ZIC5: variants seen among roughly 807,000 people sequenced by gnomAD.
ZIC5 encodes Zic family zinc finger 5.
In ZIC5, 20 loss-of-function variants were observed where a neutral mutation model predicts 28.5. The observed-to-expected ratio is 0.70, with a 90% confidence interval of 0.49 to 1.02. ZIC5 has a LOEUF of 1.02. ZIC5 is among the 50% of genes least tolerant of loss of function. The pLI is 0.00. For missense variants in ZIC5, 951 were observed against 899.7 expected (o/e 1.06, Z -0.73); for synonymous variants, 488 against 410.4 (o/e 1.19, Z -2.29).
Position 99,971,767 on chromosome 13 carries a change from T to A in ZIC5, c.-164A>T. On this transcript the variant is annotated 5_prime_UTR_variant, in exon 1 of 2. Transcript: ENST00000267294. ...CTCTATCCTCCAGCGATTGGCAGAG[T>A]GAACACCACATTTGAGCTGCACAGT... 1 of 1,491,858 alleles carries A rather than the reference T, an allele frequency of 6.7e-7. No homozygotes were observed. Among genetic ancestry groups the A allele is most frequent in the Admixed American group, 2.0e-5 (1 of 49,524 alleles). The allele number at this position is 1,491,858 out of a possible 1,614,324, so 92.4% of individuals were successfully genotyped here.
At position 99,968,432 on chromosome 13, in the gene ZIC5, G is replaced by A. The variant is rs754410042; in HGVS notation, c.1477+1695C>T. Among the ~76,000 whole-genome samples, 230 of 152,140 alleles carry A rather than the reference G, an allele frequency of 1.5e-3. 1 individual carries two copies. The highest frequency in any genetic ancestry group is 2.5e-3 in the South Asian group (12 of 4,826). ...GTCCCCTCGCCGCCTGGGGTCCCCCGCGCCCCCCCCGACCCCACGCACGCG... is the reference window on the plus strand; with the variant it reads ...GTCCCCTCGCCGCCTGGGGTCCCCCACGCCCCCCCCGACCCCACGCACGCG... On this transcript the variant is annotated intron_variant, in intron 1 of 1. Transcript: ENST00000267294.
rs1276332623 is a variant in ZIC5 at position 99,970,652 on chromosome 13, C to T, written c.952G>A (p.Ala318Thr). 2.6e-6 allele frequency: 3 copies of T among 1,143,672 alleles called. No homozygotes were observed. Among genetic ancestry groups the T allele is most frequent in the African/African-American group, 1.7e-5 (1 of 58,958 alleles). 70.8% of individuals were successfully genotyped at this position (1,143,672 alleles called of 1,614,324 possible). A position where few individuals can be genotyped will look rare whatever the true frequency, so the allele number is the denominator to read the frequency against. ...TGGGGCCCGGGCCCGGCCGCTGCTG[C>T]GGCCGCCGCAGCCGCCAGGTTCAGG... ...LNLNLAAAAAAAAAGPGPHLQ... is the reference protein window; with the variant it reads ...LNLNLAAAAATAAAGPGPHLQ... Residue 318 changes from alanine to threonine, a missense_variant, in exon 1 of 2, where the codon GCA becomes ACA. This residue lies in a region of ZIC5 where 784 missense variants were observed against 660.1 expected (regional missense o/e 1.19). Coordinates refer to ENST00000267294, the MANE Select transcript of ZIC5 (RefSeq NM_033132.5).
In ZIC5 at chr13:99,971,081, G is replaced by A; in HGVS notation, c.523C>T (p.Leu175Phe). The change falls in exon 1 of 2, where the codon CTC (leucine) becomes TTC (phenylalanine). Residue 175 changes from leucine (L) to phenylalanine (F), a missense_variant. Physicochemically the swap from Leu to Phe is conservative, Grantham distance 22 (BLOSUM62 0). Coordinates refer to ENST00000267294, the MANE Select transcript of ZIC5 (RefSeq NM_033132.5). ...SGKGHSRDFV[L>F]RRDLSATAPA... ...GCCGTGGCGGAAAGGTCCCTCCGGA[G>A]GACGAAGTCCCTGCTGTGGCCTTTG... The A allele has an allele frequency of 7.0e-7, 1 of 1,434,842 alleles. No homozygotes were observed. Among genetic ancestry groups the A allele is most frequent in the Non-Finnish European group, 9.1e-7 (1 of 1,104,880 alleles). The allele number at this position is 1,434,842 out of a possible 1,614,324, so 88.9% of individuals were successfully genotyped here.
intron 1 of ZIC5, among the ~76,000 whole-genome samples, chr13:99,966,430 GTT>G (rs2053100536): frequency 6.6e-6 from 1 of 152,074 alleles, no homozygotes; most frequent in South Asian, 2.1e-4. Context: ...ACAAAACAAT[GTT>G]TTTCTTTAGA....
At position 99,964,549 on chromosome 13, in the gene ZIC5, TCA is replaced by T. The variant is rs1361946386; in HGVS notation, c.*826_*827del. 3 of 152,500 alleles carry T rather than the reference TCA, an allele frequency of 2.0e-5. No homozygotes were observed. The allele number at this position is 152,500 out of a possible 1,614,324, so 9.4% of individuals were successfully genotyped here. A position where few individuals can be genotyped will look rare whatever the true frequency, so the allele number is the denominator to read the frequency against. ...TGAATTTCTTCTATTTTATAAAATA[TCA>T]CAGTTTCACAGTTGTCTTTTGCAGC... On this transcript the variant is annotated 3_prime_UTR_variant, in exon 2 of 2. Transcript: ENST00000267294.
At chr13:99,966,305 T>TG (rs1363358174) in intron 1 of ZIC5, among the ~76,000 whole-genome samples, 1 of 151,998 alleles carries the variant, frequency 6.6e-6, no homozygotes, top group Non-Finnish European at 1.5e-5. Flanking sequence ...AAAAGTAAAC[T>TG]GGGGGGTACA....
rs2053148976 is a variant in ZIC5 at position 99,970,788 on chromosome 13, C to T, written c.816G>A (p.Leu272=). The change falls in exon 1 of 2, where the codon CTG becomes CTA. Residue 272 remains leucine, a synonymous_variant. Coordinates refer to ENST00000267294, the MANE Select transcript of ZIC5 (RefSeq NM_033132.5). The part of the protein sequence containing the change: ...AAAAAAAAAE[L]YGRAEPPFAP... Reference sequence around the variant, plus strand: ...CGAAGGGCGGTTCGGCGCGGCCGTACAGCTCAGCCGCCGCGGCTGCCGCTG... The same window carrying T: ...CGAAGGGCGGTTCGGCGCGGCCGTATAGCTCAGCCGCCGCGGCTGCCGCTG... 8.4e-7 allele frequency: 1 copy of T among 1,194,874 alleles called. No homozygotes were observed. The highest frequency in any genetic ancestry group is 1.0e-6 in the Non-Finnish European group (1 of 968,338). The allele number at this position is 1,194,874 out of a possible 1,614,324, so 74.0% of individuals were successfully genotyped here. A position where few individuals can be genotyped will look rare whatever the true frequency, so the allele number is the denominator to read the frequency against.
In ZIC5 at chr13:99,970,413, T is replaced by G. The variant is rs1357567471; in HGVS notation, c.1191A>C (p.Pro397=). 11 of 1,106,566 alleles carry G rather than the reference T, an allele frequency of 9.9e-6. No homozygotes were observed. Among genetic ancestry groups the G allele is most frequent in the East Asian group, 1.1e-4 (2 of 18,056 alleles). The allele number at this position is 1,106,566 out of a possible 1,614,324, so 68.5% of individuals were successfully genotyped here. A position where few individuals can be genotyped will look rare whatever the true frequency, so the allele number is the denominator to read the frequency against. Residue 397 remains proline (P), a synonymous_variant, in exon 1 of 2, where the codon CCA becomes CCC. Coordinates refer to ENST00000267294, the MANE Select transcript of ZIC5 (RefSeq NM_033132.5). The stretch of plus-strand genomic sequence containing the variant: ...GCTTGGCGCCGCCGGCCGGGGGCGG[T>G]GGCGGCGGCGGCGGCGGCGGCGGCG... The part of the protein sequence containing the change: ...PPPPPPPPPP[P]PPPAGGAKPC...
chr13:99,969,009 A>T (rs956474901), intron 1 of ZIC5, among the ~76,000 whole-genome samples: 1 of 152,216 alleles, frequency 6.6e-6, no homozygotes. Context: ...TACTGAACGT[A>T]AACTCCAGTT....
At chr13:99,968,808 G>C (rs2053121910) in intron 1 of ZIC5, among the ~76,000 whole-genome samples, 2 of 152,278 alleles carry the variant, frequency 1.3e-5, no homozygotes, top group South Asian at 4.1e-4. Flanking sequence ...CCCGATTAGA[G>C]AGAAAAGGGG....
At position 99,970,235 on chromosome 13, in the gene ZIC5, G is replaced by A; in HGVS notation, c.1369C>T (p.His457Tyr). 6.2e-7 allele frequency: 1 copy of A among 1,613,830 alleles called. No individual in the cohort carries two copies. The highest frequency in any genetic ancestry group is 8.5e-7 in the Non-Finnish European group (1 of 1,179,872). The stretch of plus-strand genomic sequence containing the variant: ...TTCTCGCCGGTGTGCACGCGGATGT[G>A]GTTGATGAGCTTGTATTTGGCCTTG... ...PFKAKYKLIN[H>Y]IRVHTGEKPF... The change falls in exon 1 of 2, where the codon CAC becomes TAC. Residue 457 changes from histidine to tyrosine, a missense_variant. Transcript: ENST00000267294.
Position 99,971,085 on chromosome 13 carries a change from G to A in ZIC5, c.519C>T (p.Phe173=). The A allele has an allele frequency of 7.0e-7, 1 of 1,434,254 alleles. No individual in the cohort carries two copies. The highest frequency in any genetic ancestry group is 3.0e-5 in the East Asian group (1 of 33,260). 88.8% of individuals were successfully genotyped at this position (1,434,254 alleles called of 1,614,324 possible). The change falls in exon 1 of 2, where the codon TTC becomes TTT. Residue 173 remains phenylalanine, a synonymous_variant. Transcript: ENST00000267294. ...TGGCGGAAAGGTCCCTCCGGAGGAC[G>A]AAGTCCCTGCTGTGGCCTTTGCCGC... The part of the protein sequence containing the change: ...GSSGKGHSRD[F]VLRRDLSATA...
rs1255389105 is a variant in ZIC5 at position 99,963,159 on chromosome 13, G to A, written c.*2218C>T. 2.0e-5 allele frequency: 3 copies of A among 152,132 alleles called. No homozygotes were observed. The highest frequency in any genetic ancestry group is 4.4e-5 in the Non-Finnish European group (3 of 67,950). 9.4% of individuals were successfully genotyped at this position (152,132 alleles called of 1,614,324 possible). On this transcript the variant is annotated 3_prime_UTR_variant, in exon 2 of 2. Transcript: ENST00000267294. The stretch of plus-strand genomic sequence containing the variant: ...TGTGGCAAAGAGTTAACCTATGCAT[G>A]GTAAAATACATAAAATACATATTCC...
chr13:99,967,753 T>TA (rs1425338865), intron 1 of ZIC5, among the ~76,000 whole-genome samples: 1 of 151,924 alleles, frequency 6.6e-6, no homozygotes, highest in Non-Finnish European at 1.5e-5. Context: ...GGTAGAACAT[T>TA]AGAGTTAAAT....
At position 99,963,392 on chromosome 13, in the gene ZIC5, T is replaced by A. The variant is rs1371913766; in HGVS notation, c.*1985A>T. On this transcript the variant is annotated 3_prime_UTR_variant, in exon 2 of 2. Transcript: ENST00000267294. ...ATAATATGAAAATCAAATAAACTTT[T>A]AAAATGTAAAATTATCTCATATTCA... The A allele has an allele frequency of 1.3e-5, 2 of 152,616 alleles. No homozygotes were observed. Among genetic ancestry groups the A allele is most frequent in the African/African-American group, 4.8e-5 (2 of 41,466 alleles). The allele number at this position is 152,616 out of a possible 1,614,324, so 9.5% of individuals were successfully genotyped here.
rs2053085351 is a variant in ZIC5 at position 99,964,933 on chromosome 13, G to C, written c.*444C>G. On this transcript the variant is annotated 3_prime_UTR_variant, in exon 2 of 2. Coordinates refer to ENST00000267294, the MANE Select transcript of ZIC5 (RefSeq NM_033132.5). Reference sequence around the variant, plus strand: ...TCAAAGGCATTTGAGAGGCACTCTGGGAAATGCAGAGGGCCTTGGTGCTGT... The same window carrying C: ...TCAAAGGCATTTGAGAGGCACTCTGCGAAATGCAGAGGGCCTTGGTGCTGT... The C allele has an allele frequency of 6.6e-6, 1 of 150,712 alleles. No homozygotes were observed. The highest frequency in any genetic ancestry group is 2.5e-5 in the African/African-American group (1 of 40,792). The allele number at this position is 150,712 out of a possible 1,614,324, so 9.3% of individuals were successfully genotyped here. A position where few individuals can be genotyped will look rare whatever the true frequency, so the allele number is the denominator to read the frequency against.
Position 99,965,374 on chromosome 13 carries a change from A to G in ZIC5, c.*3T>C. ...TTTCACTTATTATTATTAATAATAA[A>G]TTCTAATGTATCGTCCGCACAACTT... On this transcript the variant is annotated 3_prime_UTR_variant, in exon 2 of 2. Coordinates refer to ENST00000267294, the MANE Select transcript of ZIC5 (RefSeq NM_033132.5). The G allele has an allele frequency of 1.9e-6, 3 of 1,610,502 alleles. No homozygotes were observed.
Position 99,970,787 on chromosome 13 carries a change from A to C in ZIC5, c.817T>G (p.Tyr273Asp). ...GCGAAGGGCGGTTCGGCGCGGCCGT[A>C]CAGCTCAGCCGCCGCGGCTGCCGCT... The part of the protein sequence containing the change: ...AAAAAAAAEL[Y>D]GRAEPPFAPR... Residue 273 changes from tyrosine (Y) to aspartate (D), a missense_variant, in exon 1 of 2, where the codon TAC becomes GAC. By Grantham distance (160) the Tyr-to-Asp change is radical (BLOSUM62 -3). This residue lies in a region of ZIC5 where 784 missense variants were observed against 660.1 expected (regional missense o/e 1.19). Coordinates refer to ENST00000267294, the MANE Select transcript of ZIC5 (RefSeq NM_033132.5). 3.3e-6 allele frequency: 4 copies of C among 1,194,056 alleles called. No homozygotes were observed. Among genetic ancestry groups the C allele is most frequent in the Non-Finnish European group, 4.1e-6 (4 of 967,916 alleles). The allele number at this position is 1,194,056 out of a possible 1,614,324, so 74.0% of individuals were successfully genotyped here.
chr13:99,970,781 G>A lies in ZIC5; in HGVS notation c.823C>T (p.Arg275Cys), dbSNP rs1429286584. Residue 275 changes from arginine (R) to cysteine (C), a missense_variant, in exon 1 of 2, where the codon CGC becomes TGC. Arg to Cys is a radical substitution (Grantham distance 180). Around this residue, in one of 3 missense-constraint regions of ZIC5, gnomAD observed 784 missense variants for 660.1 expected, o/e 1.19. Transcript: ENST00000267294. ...CGCGGCGCGAAGGGCGGTTCGGCGC[G>A]GCCGTACAGCTCAGCCGCCGCGGCT... ...AAAAAAELYG[R>C]AEPPFAPRSG... 3 of 1,187,870 alleles carry A rather than the reference G, an allele frequency of 2.5e-6. No homozygotes were observed. The highest frequency in any genetic ancestry group is 3.6e-5 in the South Asian group (1 of 28,010). The allele number at this position is 1,187,870 out of a possible 1,614,324, so 73.6% of individuals were successfully genotyped here. A position where few individuals can be genotyped will look rare whatever the true frequency, so the allele number is the denominator to read the frequency against.
Sources: allele counts gnomAD v4.1 joint callset (sites outside exome capture counted in the v4.1 genomes callset), GRCh38; gene constraint gnomAD v4.1.1; regional missense constraint gnomAD v4.1.1; transcripts MANE v1.5; gene names NCBI Gene and HGNC (gene_info 2026-07-23, HGNC 2026-07-21).